RET: variants seen among roughly 807,000 people sequenced by gnomAD.
RET encodes ret proto-oncogene, also known as proto-oncogene tyrosine-protein kinase receptor Ret.
Under a neutral mutation model 118.3 loss-of-function variants are expected in RET, and 19 were observed. The observed-to-expected ratio is 0.16, with a 90% CI of 0.11 to 0.24. The LOEUF is 0.24. Among genes scored for constraint, RET ranks in the 10% least tolerant of loss-of-function variants. The pLI is 1.00. For missense variants in RET, 1,219 were observed against 1,502.1 expected, an observed-to-expected ratio of 0.81 and a Z score of 3.12; for synonymous variants, 597 against 644.1, an observed-to-expected ratio of 0.93 and a Z score of 1.11.
intron 15 of RET, 119 bp downstream of exon 15, chr10:43,120,322 A>T (rs1160156479): frequency 7.2e-7 from 1 of 1,393,196 alleles, no homozygotes; most frequent in Admixed American, 2.0e-5. Context: ...TAAGCTTTTT[A>T]TAGCCCTCAC....
intron 1 of RET, among the ~76,000 whole-genome samples, chr10:43,096,049 G>T (rs957235816): frequency 3.3e-5 from 5 of 152,238 alleles, no homozygotes; most frequent in African/African-American, 1.2e-4. Flanking sequence ...GGTGGGCCCA[G>T]CCCTGGCAAC....
chr10:43,121,828 T>C (rs1205088372), intron 15 of RET, 118 bp from the exon 16 acceptor site: 2 of 782,442 alleles, frequency 2.6e-6, no homozygotes, highest in African/African-American at 1.7e-5. Context: ...TGCCCAGGAG[T>C]GTCTACAGCA....
intron 5 of RET, among the ~76,000 whole-genome samples, chr10:43,107,974 C>T (rs545449800): frequency 7.3e-4 from 111 of 152,078 alleles, no homozygotes; most frequent in African/African-American, 2.6e-3. Context: ...TGCTATGTGT[C>T]GCCTGATGCT....
intron 1 of RET, among the ~76,000 whole-genome samples, chr10:43,079,472 G>T (rs1837130112): frequency 6.6e-6 from 1 of 152,202 alleles, no homozygotes; most frequent in African/African-American, 2.4e-5. Context: ...TGCTCTTAAA[G>T]GTTTCTGGCA....
At chr10:43,090,603 AGCAAAATTATATTCT>A (rs1051757504) in intron 1 of RET, among the ~76,000 whole-genome samples, 74 of 152,316 alleles carry the variant, frequency 4.9e-4, no homozygotes, top group African/African-American at 1.6e-3. Flanking sequence ...CACATCCAAA[AGCAAAATTATATTCT>A]GCAACTGTGT....
intron 1 of RET, among the ~76,000 whole-genome samples, chr10:43,078,119 G>C (rs1184351972): frequency 1.3e-5 from 2 of 152,218 alleles, no homozygotes; most frequent in African/African-American, 4.8e-5. Flanking sequence ...CCAGCATTAG[G>C]TGTGGCCTTG....
At position 43,114,604 on chromosome 10, in the gene RET, C is replaced by T. The variant is rs1179489235; in HGVS notation, c.2004C>T (p.Pro668=). 6.2e-7 allele frequency: 1 copy of T among 1,613,190 alleles called. No individual in the cohort carries two copies. The highest frequency in any genetic ancestry group is 2.2e-5 in the East Asian group (1 of 44,874). ...HCYHKFAHKP[P]ISSAEMTFRR... is the part of the protein sequence containing the mutation. ...ACCACAAGTTTGCCCACAAGCCACC[C>T]ATCTCCTCAGCTGAGATGACCTTCC... Residue 668 remains proline, a synonymous_variant, in exon 11 of 20, where the codon CCC becomes CCT. Transcript: ENST00000355710. This position sits in a 1 kb window ranked among gnomAD's most constrained non-coding sequence, Gnocchi z 4.6.
rs2132902301 is a variant in RET, at chr10:43,116,583, G to A, written c.2137-1G>A. The A allele has an allele frequency of 6.2e-7, 1 of 1,614,048 alleles. No homozygotes were observed. The highest frequency in any genetic ancestry group is 8.5e-7 in the Non-Finnish European group (1 of 1,180,004). On this transcript the variant is annotated splice_acceptor_variant, in intron 11 of 19. Transcript: ENST00000355710. LOFTEE classifies it high-confidence loss of function. ...TCCCCCTTCCCTCATTTCCAACATAGGAGGATCCAAAGTGGGAATTCCCTC... is the reference window on the plus strand; with the variant it reads ...TCCCCCTTCCCTCATTTCCAACATAAGAGGATCCAAAGTGGGAATTCCCTC...
rs199692107 is a variant in RET at position 43,122,063 on chromosome 10, C to T, written c.2801+47C>T. ...TTGGGGTGGAGGTTACAGAAACACC[C>T]TTATACATGTAGTGGGGCCACGACG... On this transcript the variant is annotated intron_variant, in intron 16 of 19. Transcript: ENST00000355710. 23 of 1,475,138 alleles carry T rather than the reference C, an allele frequency of 1.6e-5. No homozygotes were observed. The African/African-American group carries it at 2.1e-4, about 13-fold the overall frequency. 91.4% of individuals were successfully genotyped at this position (1,475,138 alleles called of 1,614,324 possible).
chr10:43,115,070 G>A (rs544892816), intron 11 of RET, among the ~76,000 whole-genome samples: 1 of 152,300 alleles, frequency 6.6e-6, no homozygotes, highest in African/African-American at 2.4e-5. Flanking sequence ...GCTACTCAGA[G>A]CCTCCAGGCT....
At chr10:43,105,379 C>T (rs1030719126) in intron 4 of RET, among the ~76,000 whole-genome samples, 186 bp downstream of exon 4, 1 of 152,022 alleles carries the variant, frequency 6.6e-6, no homozygotes, top group Non-Finnish European at 1.5e-5. Context: ...TGCCAGCACC[C>T]AGCTGGGCCT....
At chr10:43,117,457 C>T (rs1564497702) in intron 12 of RET, among the ~76,000 whole-genome samples, 1 of 152,394 alleles carries the variant, frequency 6.6e-6, no homozygotes, top group East Asian at 1.9e-4. Flanking sequence ...CTGCCCACAC[C>T]TGGTCCAAGG....
At chr10:43,107,559 TCA>T (rs59876947) in intron 5 of RET, among the ~76,000 whole-genome samples, 44,830 of 140,570 alleles carry the variant, frequency 0.32, 6,791 homozygotes, top group East Asian at 0.34. Context: ...CCCCCATGCC[TCA>T]CACACACACA....
rs1554817792 is a variant in RET, at chr10:43,105,031, G to T, written c.705G>T (p.Glu235Asp). The T allele has an allele frequency of 6.2e-7, 1 of 1,604,692 alleles. No homozygotes were observed. The highest frequency in any genetic ancestry group is 8.5e-7 in the Non-Finnish European group (1 of 1,178,898). The change falls in exon 4 of 20, where the codon GAG becomes GAT. Residue 235 changes from glutamate (E) to aspartate (D), a missense_variant. Coordinates refer to ENST00000355710, the MANE Select transcript of RET (RefSeq NM_020975.6). ...TRWALDREQR[E>D]KYELVAVCTV... ...GGGCCCTGGACCGCGAGCAGCGGGA[G>T]AAGTACGAGCTGGTGGCCGTGTGCA...
chr10:43,088,203 G>A lies in RET; in HGVS notation c.73+10872G>A, dbSNP rs116568748. Among the ~76,000 whole-genome samples the A allele has an allele frequency of 2.5e-3, 374 of 151,294 alleles. 1 individual carries two copies. The highest frequency in any genetic ancestry group is 8.7e-3 in the African/African-American group (353 of 40,782). ...TGATGGTGGTGGTGATGGTGAAGAC[G>A]GTGGTGGGAATGGTGGTGGTGGAGG... On this transcript the variant is annotated intron_variant, in intron 1 of 19. Coordinates refer to ENST00000355710, the MANE Select transcript of RET (RefSeq NM_020975.6).
chr10:43,081,772 T>C (rs373312668), intron 1 of RET, among the ~76,000 whole-genome samples: 1 of 152,150 alleles, frequency 6.6e-6, no homozygotes, highest in East Asian at 1.9e-4. Flanking sequence ...CCAGAGCCCC[T>C]CTGGCTCCCC....
chr10:43,112,309 TG>T, intron 8 of RET, 85 bp downstream of exon 8: 1 of 1,444,452 alleles, frequency 6.9e-7, no homozygotes, highest in Non-Finnish European at 9.1e-7. Context: ...CAGCCTGGGG[TG>T]GCTCTCCCTG....
intron 1 of RET, among the ~76,000 whole-genome samples, chr10:43,090,588 C>A (rs1054466985): frequency 1.3e-5 from 2 of 152,086 alleles, no homozygotes; most frequent in Non-Finnish European, 2.9e-5. Flanking sequence ...ACCATGGGCC[C>A]CTCCCACATC....
intron 1 of RET, among the ~76,000 whole-genome samples, chr10:43,084,266 T>G (rs945641601): frequency 3.9e-5 from 6 of 152,230 alleles, no homozygotes; most frequent in African/African-American, 1.4e-4. Context: ...TAATTCTGTT[T>G]TATATTTTGT....
Sources: allele counts gnomAD v4.1 joint callset (sites outside exome capture counted in the v4.1 genomes callset), GRCh38; gene constraint gnomAD v4.1.1; non-coding constraint Gnocchi (gnomAD v3.1); transcripts MANE v1.5; gene names NCBI Gene and HGNC (gene_info 2026-07-23, HGNC 2026-07-21).